EXT2: variants seen among roughly 807,000 people sequenced by gnomAD.
EXT2 encodes the protein exostosin-2.
In EXT2, 53 loss-of-function variants were observed where a neutral mutation model predicts 81.6. That is an observed-to-expected ratio of 0.65 (90% CI 0.52 to 0.82). The LOEUF (loss-of-function observed/expected upper bound fraction) is 0.82. Ranked by LOEUF, EXT2 falls within the 40% of genes least tolerant of loss-of-function variation. EXT2 has a pLI of 0.00. For missense variants in EXT2, 774 were observed against 910.2 expected (o/e 0.85, Z 1.93); for synonymous variants, 320 against 340.0 (o/e 0.94, Z 0.65).
At chr11:44,109,388 T>C (rs1282194398) in intron 3 of EXT2, 105 bp downstream of exon 3, 11 of 1,036,168 alleles carry the variant, frequency 1.1e-5, no homozygotes, top group Admixed American at 5.9e-5. Flanking sequence ...CAGAATTGTT[T>C]ATTAAACTAG....
At chr11:44,182,252 A>G (rs1955246207) in intron 8 of EXT2, among the ~76,000 whole-genome samples, 1 of 151,934 alleles carries the variant, frequency 6.6e-6, no homozygotes, top group Non-Finnish European at 1.5e-5. Flanking sequence ...TCTCCTGTCA[A>G]GGTTGAGGGG....
intron 1 of EXT2, chr11:44,096,106 G>T: frequency 5.2e-6 from 4 of 764,116 alleles, no homozygotes; most frequent in Non-Finnish European, 9.0e-6. Context: ...TCAGCATCTT[G>T]GTACCCACCT....
At chr11:44,208,731 T>C (rs1955612584) in intron 10 of EXT2, among the ~76,000 whole-genome samples, 1 of 152,204 alleles carries the variant, frequency 6.6e-6, no homozygotes, top group South Asian at 2.1e-4. Flanking sequence ...GCAAAGCAGG[T>C]ATGTTTTTCT....
chr11:44,236,341 G>A lies in EXT2; in HGVS notation c.1984G>A (p.Gly662Arg), dbSNP rs1955964784. 1 of 1,614,034 alleles carries A rather than the reference G, an allele frequency of 6.2e-7. No individual in the cohort carries two copies. The highest frequency in any genetic ancestry group is 8.5e-7 in the Non-Finnish European group (1 of 1,180,000). ...GTGTCCTGAGTGCACAGCCATAGAT[G>A]GGCTTTCACTAGACCAAACACACAT... ...FKCPECTAID[G>R]LSLDQTHMVE... The change falls in exon 13 of 14, where the codon GGG becomes AGG. Residue 662 changes from glycine (G) to arginine (R), a missense_variant. Physicochemically the swap from Gly to Arg is moderately radical, Grantham distance 125 (BLOSUM62 -2). Around this residue, in one of 2 missense-constraint regions of EXT2, gnomAD observed 148 missense variants for 239.7 expected, o/e 0.62. Coordinates refer to ENST00000533608, the MANE Select transcript of EXT2 (RefSeq NM_207122.2).
At chr11:44,116,771 T>G (rs1309229513) in intron 4 of EXT2, 1 of 152,218 alleles carries the variant, frequency 6.6e-6, no homozygotes, top group Non-Finnish European at 1.5e-5. Context: ...TAATTTTGAG[T>G]ATCTTTTCAT....
intron 10 of EXT2, among the ~76,000 whole-genome samples, chr11:44,208,703 T>C (rs1270840930): frequency 6.6e-6 from 1 of 152,262 alleles, no homozygotes; most frequent in South Asian, 2.1e-4. Flanking sequence ...ACATTACTTA[T>C]GCTCTTGGCC....
chr11:44,202,832 C>T (rs1160732916), intron 9 of EXT2, among the ~76,000 whole-genome samples: 1 of 152,172 alleles, frequency 6.6e-6, no homozygotes, highest in Non-Finnish European at 1.5e-5. Flanking sequence ...TGTTCAAGGT[C>T]ACATGACAAG....
intron 7 of EXT2, among the ~76,000 whole-genome samples, chr11:44,156,715 T>G (rs1954860762): frequency 6.6e-6 from 1 of 152,256 alleles, no homozygotes; most frequent in Non-Finnish European, 1.5e-5. Flanking sequence ...CCAGGATTGG[T>G]CACTGATGAC....
At chr11:44,244,014 T>C in intron 13 of EXT2, 135 bp from the exon 14 acceptor site, 1 of 863,004 alleles carries the variant, frequency 1.2e-6, no homozygotes, top group South Asian at 1.4e-5. Flanking sequence ...TACTTGAGCT[T>C]TTTTTGTTGA....
intron 12 of EXT2, among the ~76,000 whole-genome samples, chr11:44,234,609 T>A (rs989308737): frequency 5.9e-5 from 9 of 151,850 alleles, no homozygotes; most frequent in Admixed American, 2.6e-4. Flanking sequence ...GTTTTTTTTT[T>A]AATAGATGTT....
intron 7 of EXT2, among the ~76,000 whole-genome samples, chr11:44,170,801 C>T (rs1026054206): frequency 1.4e-4 from 19 of 136,780 alleles, no homozygotes; most frequent in African/African-American, 4.7e-4. Flanking sequence ...TAATTTAAAA[C>T]GTTCACATTC....
At chr11:44,170,599 G>A (rs1432756690) in intron 7 of EXT2, among the ~76,000 whole-genome samples, 1 of 152,122 alleles carries the variant, frequency 6.6e-6, no homozygotes, top group Non-Finnish European at 1.5e-5. Flanking sequence ...AAACACAACA[G>A]TATCAGGAAT....
intron 7 of EXT2, among the ~76,000 whole-genome samples, chr11:44,158,248 G>A (rs947442549): frequency 6.6e-5 from 10 of 152,198 alleles, no homozygotes; most frequent in Non-Finnish European, 1.3e-4. Context: ...CATGCACCCC[G>A]AGTCTGCTGG....
chr11:44,228,622 C>T (rs1283594963), intron 10 of EXT2, among the ~76,000 whole-genome samples: 1 of 152,158 alleles, frequency 6.6e-6, no homozygotes, highest in African/African-American at 2.4e-5. Context: ...TGCTTGGAAT[C>T]AGTCAAGGGC....
intron 8 of EXT2, among the ~76,000 whole-genome samples, chr11:44,196,205 CTCACATG>C (rs1955454076): frequency 6.6e-6 from 1 of 152,174 alleles, no homozygotes; most frequent in Non-Finnish European, 1.5e-5. Flanking sequence ...GTACATTGAA[CTCACATG>C]TTCCTCACCT....
intron 4 of EXT2, chr11:44,116,874 C>G (rs1188965081): frequency 2.0e-5 from 3 of 152,054 alleles, no homozygotes; most frequent in Non-Finnish European, 2.9e-5. Flanking sequence ...TATCGTAGAG[C>G]TATAAGAATT....
In EXT2 at chr11:44,169,259, A is replaced by G. The variant is rs188633927; in HGVS notation, c.1174-2352A>G. 1.5e-3 allele frequency among the ~76,000 whole-genome samples: 229 copies of G among 151,900 alleles called. 1 individual carries two copies. Among genetic ancestry groups the G allele is most frequent in the South Asian group, 6.2e-4 (3 of 4,816 alleles). ...AAATAAATAATAAAAATAAATAAATATAAAACATGTCTTGTGGGATTTAAA... is the reference window on the plus strand; with the variant it reads ...AAATAAATAATAAAAATAAATAAATGTAAAACATGTCTTGTGGGATTTAAA... On this transcript the variant is annotated intron_variant, in intron 7 of 13. Transcript: ENST00000533608.
At chr11:44,170,585 G>A (rs1160385599) in intron 7 of EXT2, among the ~76,000 whole-genome samples, 1 of 152,032 alleles carries the variant, frequency 6.6e-6, no homozygotes, top group East Asian at 1.9e-4. Context: ...CAAGTACAAA[G>A]AGAAAACACA....
intron 10 of EXT2, among the ~76,000 whole-genome samples, chr11:44,225,988 G>T (rs1479307406): frequency 2.6e-5 from 4 of 152,224 alleles, no homozygotes; most frequent in African/African-American, 9.6e-5. Flanking sequence ...ACAAGGATGA[G>T]GCACATGTTT....
Sources: gnomAD v4.1 joint callset for allele counts (sites outside exome capture counted in the v4.1 genomes callset) on GRCh38, gnomAD v4.1.1 for gene constraint, gnomAD v4.1.1 regional missense constraint, MANE v1.5 for transcripts, NCBI Gene and HGNC (gene_info 2026-07-23, HGNC 2026-07-21) for gene names.